MSRA: variants seen among roughly 807,000 people sequenced by gnomAD.
MSRA encodes the protein mitochondrial peptide methionine sulfoxide reductase.
A neutral mutation model predicts 31.3 loss-of-function variants in MSRA; 54 were observed. The ratio of observed to expected loss-of-function variants is 1.73; its 90% confidence interval spans 1.39 to 2.17. The LOEUF (loss-of-function observed/expected upper bound fraction) is 2.17. MSRA is among the 30% of genes most tolerant of loss of function. MSRA has a pLI of 0.00. For missense variants in MSRA, 507 were observed against 300.9 expected, an observed-to-expected ratio of 1.69 and a Z score of -5.07; for synonymous variants, 169 against 116.5, an observed-to-expected ratio of 1.45 and a Z score of -2.90.
intron 5 of MSRA, among the ~76,000 whole-genome samples, chr8:10,341,353 T>A (rs757634777): frequency 1.3e-5 from 2 of 150,746 alleles, no homozygotes; most frequent in Non-Finnish European, 3.0e-5. Flanking sequence ...GGAGAGAGAG[T>A]TGGGGGGAGG....
At chr8:10,368,992 C>G (rs1402054084) in intron 5 of MSRA, among the ~76,000 whole-genome samples, 1 of 152,120 alleles carries the variant, frequency 6.6e-6, no homozygotes, top group Non-Finnish European at 1.5e-5. Context: ...GGGACCAACA[C>G]CCGCAAGTGT....
At chr8:10,312,447 A>T (rs1472849714) in intron 4 of MSRA, among the ~76,000 whole-genome samples, 1 of 152,234 alleles carries the variant, frequency 6.6e-6, no homozygotes, top group Non-Finnish European at 1.5e-5. Flanking sequence ...AAACTGAATA[A>T]AGACACCACT....
At position 10,071,960 on chromosome 8, in the gene MSRA, C is replaced by T. The variant is rs559900677; in HGVS notation, c.142+17302C>T. On this transcript the variant is annotated intron_variant, in intron 1 of 5. Transcript: ENST00000317173. Reference sequence around the variant, plus strand: ...ATCAGTTTCAGTAGTGCGTATGGGTCCCCTGTGTCCAGGGGTCCCTCGTGG... The same window carrying T: ...ATCAGTTTCAGTAGTGCGTATGGGTTCCCTGTGTCCAGGGGTCCCTCGTGG... Among the ~76,000 whole-genome samples, 3 of 152,228 alleles carry T rather than the reference C, an allele frequency of 2.0e-5. 1 individual carries two copies. Among genetic ancestry groups the T allele is most frequent in the Middle Eastern group, 3.4e-3 (1 of 292 alleles).
chr8:10,248,569 G>T (rs1299721774), intron 3 of MSRA, among the ~76,000 whole-genome samples: 1 of 152,224 alleles, frequency 6.6e-6, no homozygotes. Context: ...AGAAGTGAGC[G>T]AGAGAGTGTG....
intron 1 of MSRA, among the ~76,000 whole-genome samples, chr8:10,073,525 T>A (rs748762359): frequency 6.6e-6 from 1 of 151,080 alleles, no homozygotes; most frequent in African/African-American, 2.4e-5. Context: ...TACTATAGTT[T>A]CACCAACTTT....
intron 1 of MSRA, among the ~76,000 whole-genome samples, chr8:10,158,253 C>T (rs114396361): frequency 6.6e-6 from 1 of 152,198 alleles, no homozygotes. Context: ...CGTAAACATT[C>T]AGACCGTAGC....
chr8:10,418,815 T>TAAAAAAAAAAA (rs71203323), intron 5 of MSRA, among the ~76,000 whole-genome samples: 1 of 66,030 alleles, frequency 1.5e-5, no homozygotes, highest in Non-Finnish European at 2.5e-5. Flanking sequence ...TTACTACGAC[T>TAAAAAAAAAAA]AAAAAAAAAA....
At chr8:10,359,083 A>G (rs1007457623) in intron 5 of MSRA, among the ~76,000 whole-genome samples, 1 of 152,180 alleles carries the variant, frequency 6.6e-6, no homozygotes, top group Non-Finnish European at 1.5e-5. Flanking sequence ...GATAGTGTGA[A>G]GCATGTGATG....
chr8:10,317,389 T>A (rs926822534), intron 4 of MSRA, among the ~76,000 whole-genome samples: 11 of 152,204 alleles, frequency 7.2e-5, no homozygotes, highest in African/African-American at 2.7e-4. Context: ...AGAGGAGAAG[T>A]CATCATCTTA....
chr8:10,139,253 CTG>C (rs1802505468), intron 1 of MSRA, among the ~76,000 whole-genome samples: 1 of 152,172 alleles, frequency 6.6e-6, no homozygotes, highest in South Asian at 2.1e-4. Flanking sequence ...AACATGTAAT[CTG>C]TGAATAATAA....
rs1395393495 is a variant in MSRA, at chr8:10,303,439, C to G, written c.436+1801C>G. ...ACCTCTCTGTTCATCATTTGGCCTT[C>G]TATGGGCTCTGTGTTTGTAATGGTG... On this transcript the variant is annotated intron_variant, in intron 4 of 5. Coordinates refer to ENST00000317173, the MANE Select transcript of MSRA (RefSeq NM_012331.5). 3.9e-5 allele frequency among the ~76,000 whole-genome samples: 6 copies of G among 152,188 alleles called. No individual in the cohort carries two copies. The South Asian group carries it at 1.2e-3, about 32-fold the overall frequency.
chr8:10,387,714 C>T (rs960875494), intron 5 of MSRA, among the ~76,000 whole-genome samples: 1 of 152,188 alleles, frequency 6.6e-6, no homozygotes, highest in Non-Finnish European at 1.5e-5. Flanking sequence ...CAGAAAAAGC[C>T]TGTCTGGGCA....
chr8:10,392,203 C>G (rs909513465), intron 5 of MSRA, among the ~76,000 whole-genome samples: 1 of 152,232 alleles, frequency 6.6e-6, no homozygotes, highest in African/African-American at 2.4e-5. Flanking sequence ...ATGAAGGCAT[C>G]TGGGCTGGCC....
intron 5 of MSRA, among the ~76,000 whole-genome samples, chr8:10,335,250 GTT>G (rs1170264568): frequency 6.3e-3 from 501 of 79,874 alleles, no homozygotes; most frequent in South Asian, 8.4e-3. Flanking sequence ...TCCCAGCTCT[GTT>G]TTTTTTTTTT....
intron 5 of MSRA, among the ~76,000 whole-genome samples, chr8:10,400,862 A>G (rs1171548807): frequency 6.6e-6 from 1 of 152,224 alleles, no homozygotes; most frequent in Non-Finnish European, 1.5e-5. Flanking sequence ...CACACCATAC[A>G]CAACAATTAA....
chr8:10,101,383 A>G (rs915226721), intron 1 of MSRA, among the ~76,000 whole-genome samples: 1 of 152,198 alleles, frequency 6.6e-6, no homozygotes, highest in Non-Finnish European at 1.5e-5. Flanking sequence ...GTGATAAAAT[A>G]TGCATAACAT....
intron 3 of MSRA, chr8:10,250,380 A>T (rs769399855): frequency 4.3e-6 from 3 of 700,368 alleles, no homozygotes; most frequent in African/African-American, 1.7e-5. Context: ...AAAACCCAGG[A>T]TGTTCATTCA....
chr8:10,381,021 A>C (rs1372423666), intron 5 of MSRA, among the ~76,000 whole-genome samples: 4 of 151,800 alleles, frequency 2.6e-5, no homozygotes, highest in Non-Finnish European at 5.9e-5. Context: ...TTATGGATAG[A>C]AAATGGATGG....
At position 10,413,909 on chromosome 8, in the gene MSRA, G is replaced by A. The variant is rs553763541; in HGVS notation, c.544-14239G>A. Among the ~76,000 whole-genome samples, 8 of 152,248 alleles carry A rather than the reference G, an allele frequency of 5.3e-5. No individual in the cohort carries two copies. The South Asian group carries it at 6.2e-4, about 12-fold the overall frequency. On this transcript the variant is annotated intron_variant, in intron 5 of 5. Transcript: ENST00000317173. ...GTCAGGCACAGTGACTTATACCTGC[G>A]ATCATAGTGCTTTGGGAGGCTGAGG...
Sources: gnomAD v4.1 joint callset for allele counts (sites outside exome capture counted in the v4.1 genomes callset) on GRCh38, gnomAD v4.1.1 for gene constraint, MANE v1.5 for transcripts, NCBI Gene and HGNC (gene_info 2026-07-23, HGNC 2026-07-21) for gene names.